The following C2orf78 variants were observed in gnomAD, a reference collection of about 807,000 sequenced individuals.
C2orf78 encodes the protein uncharacterized protein C2orf78.
In C2orf78, 12 loss-of-function variants were observed where a neutral mutation model predicts 21.4. That is an observed-to-expected ratio of 0.56 (90% CI 0.36 to 0.91). The LOEUF is 0.91. Ranked by LOEUF, C2orf78 falls within the 40% of genes least tolerant of loss-of-function variation. The pLI is 0.01. For synonymous variants in C2orf78, 396 were observed against 413.9 expected (o/e 0.96, Z 0.52); for missense variants, 1,042 against 1,092.4 (o/e 0.95, Z 0.65).
chr2:73,811,414 T>C (rs1673086296), intron 1 of C2orf78, among the ~76,000 whole-genome samples: 1 of 152,200 alleles, frequency 6.6e-6, no homozygotes, highest in East Asian at 1.9e-4. Flanking sequence ...TGGATGTTTC[T>C]CCTATTAACA....
Position 73,816,411 on chromosome 2 carries a change from C to T in C2orf78, c.2188C>T (p.Gln730Ter), listed in dbSNP as rs772282025. The T allele has an allele frequency of 6.2e-7, 1 of 1,613,958 alleles. No individual in the cohort carries two copies. Among genetic ancestry groups the T allele is most frequent in the Admixed American group, 1.7e-5 (1 of 60,016 alleles). Residue 730 changes from glutamine to a stop codon, truncating the protein, a stop_gained, in exon 3 of 3, where the codon CAA becomes TAA. Transcript: ENST00000409561. LOFTEE classifies it low-confidence loss of function (END_TRUNC). ...GCCCTTTCTGACCCTGGACCAACCT[C>T]AAGCTCGACATGTTTCTCGGCGGCC...
At chr2:73,809,169 T>C (rs1284667074) in intron 1 of C2orf78, among the ~76,000 whole-genome samples, 2 of 152,204 alleles carry the variant, frequency 1.3e-5, no homozygotes, top group Admixed American at 1.3e-4. Flanking sequence ...TTTCTAATAC[T>C]GAGTCTTAAA....
exon 3 of C2orf78, chr2:73,816,286 A>G: frequency 6.2e-7 from 1 of 1,613,882 alleles, no homozygotes; most frequent in Non-Finnish European, 8.5e-7. Flanking sequence ...GAGAAAATTC[A>G]AGTCAAGGCC....
chr2:73,807,639 G>A lies in C2orf78; in HGVS notation c.98-5838G>A, dbSNP rs1286711557. Reference sequence around the variant, plus strand: ...TACCTCTCTGCTGTTTGCTTCTCATGAGCAGAGTCCGTTTTCCAAACATCA... The same window carrying A: ...TACCTCTCTGCTGTTTGCTTCTCATAAGCAGAGTCCGTTTTCCAAACATCA... On this transcript the variant is annotated intron_variant, in intron 1 of 2. Transcript: ENST00000409561. Among the ~76,000 whole-genome samples the A allele has an allele frequency of 9.9e-5, 7 of 70,502 alleles. No individual in the cohort carries two copies. In the South Asian group the frequency reaches 3.5e-3, roughly 36 times the overall value. 46.3% of individuals were successfully genotyped at this position (70,502 alleles called of 152,430 possible). A position where few individuals can be genotyped will look rare whatever the true frequency, so the allele number is the denominator to read the frequency against.
At chr2:73,786,150 C>G (rs968353260) in intron 1 of C2orf78, among the ~76,000 whole-genome samples, 4 of 151,906 alleles carry the variant, frequency 2.6e-5, no homozygotes, top group Admixed American at 2.0e-4. Flanking sequence ...AAGGCTGACG[C>G]AGGCGGATTG....
intron 1 of C2orf78, among the ~76,000 whole-genome samples, chr2:73,808,433 T>C (rs1673004359): frequency 3.3e-5 from 5 of 151,092 alleles, no homozygotes; most frequent in Non-Finnish European, 7.3e-5. Context: ...ATGTAACACA[T>C]TAAATATAAA....
chr2:73,813,828 T>C (rs376343745), exon 2 of C2orf78: 9 of 1,613,894 alleles, frequency 5.6e-6, no homozygotes, highest in Admixed American at 5.0e-5. Flanking sequence ...GTGACTGTCA[T>C]TGATCAGAAC....
At chr2:73,811,612 C>T (rs1445977665) in intron 1 of C2orf78, among the ~76,000 whole-genome samples, 1 of 152,162 alleles carries the variant, frequency 6.6e-6, no homozygotes, top group Non-Finnish European at 1.5e-5. Flanking sequence ...AGCCACATAT[C>T]AGCCACATAT....
rs761635512 is a variant in C2orf78 at position 73,815,318 on chromosome 2, T to TA, written c.1099dup (p.Thr367AsnfsTer37). 47 of 1,613,918 alleles carry TA rather than the reference T, an allele frequency of 2.9e-5. No individual in the cohort carries two copies. Among genetic ancestry groups the TA allele is most frequent in the Non-Finnish European group, 3.9e-5 (46 of 1,179,872 alleles). Reference sequence around the variant, plus strand: ...ATGAGAATGAGAATTTGGATGAGATTAAAACCAACCTTTCAAAGCCTCTAG... The same window carrying TA: ...ATGAGAATGAGAATTTGGATGAGATTAAAAACCAACCTTTCAAAGCCTCTAG... On this transcript the variant is annotated frameshift_variant, in exon 3 of 3. Transcript: ENST00000409561. LOFTEE classifies it low-confidence loss of function (END_TRUNC).
chr2:73,815,048 C>A, intron 2 of C2orf78, 23 bp from the exon 3 acceptor site: 1 of 1,587,232 alleles, frequency 6.3e-7, no homozygotes, highest in Non-Finnish European at 8.6e-7. Context: ...CAGGGACTGA[C>A]TTCTTCCTTG....
At chr2:73,813,921 T>C (rs779155359) in exon 2 of C2orf78, 9 of 1,613,938 alleles carry the variant, frequency 5.6e-6, no homozygotes, top group African/African-American at 1.3e-5. Context: ...TATCCATCAC[T>C]ATCTGCCAGC....
chr2:73,813,850 T>C (rs745670636), exon 2 of C2orf78: 2 of 1,613,980 alleles, frequency 1.2e-6, no homozygotes, highest in Non-Finnish European at 1.7e-6. Flanking sequence ...CAGCTGTCTC[T>C]TCCATGTCTA....
rs1351232929 is a variant in C2orf78, at chr2:73,812,853, T to C, written c.98-624T>C. Among the ~76,000 whole-genome samples, 3 of 152,196 alleles carry C rather than the reference T, an allele frequency of 2.0e-5. No homozygotes were observed. The East Asian group carries it at 5.8e-4, about 29-fold the overall frequency. On this transcript the variant is annotated intron_variant, in intron 1 of 2. Transcript: ENST00000409561. The stretch of plus-strand genomic sequence containing the variant: ...AATGGCCTGGGTTAAATATAAACTC[T>C]AGGACATATCATATGACCTGCAGAA...
Position 73,784,217 on chromosome 2 carries a change from T to A in C2orf78, c.-93T>A, listed in dbSNP as rs893926252. 46 of 1,512,496 alleles carry A rather than the reference T, an allele frequency of 3.0e-5. No homozygotes were observed. The Middle Eastern group carries it at 7.0e-4, about 23-fold the overall frequency. The allele number at this position is 1,512,496 out of a possible 1,614,324, so 93.7% of individuals were successfully genotyped here. A position where few individuals can be genotyped will look rare whatever the true frequency, so the allele number is the denominator to read the frequency against. The stretch of plus-strand genomic sequence containing the variant: ...CCAAACCGACCACCACCTGGTAGCA[T>A]CTTGGGGTTTCCTGGGCGTGGCCTG... On this transcript the variant is annotated 5_prime_UTR_variant, in exon 1 of 3. Transcript: ENST00000409561.
chr2:73,814,251 G>A, intron 2 of C2orf78, 25 bp downstream of exon 2: 1 of 1,530,242 alleles, frequency 6.5e-7, no homozygotes, highest in Non-Finnish European at 8.8e-7. Context: ...CAAGAAAGGA[G>A]AGGAATAATG....
chr2:73,808,676 T>A (rs1435118443), intron 1 of C2orf78: 14 of 1,407,736 alleles, frequency 9.9e-6, no homozygotes, highest in Non-Finnish European at 1.1e-5. Context: ...CTTTGTGACA[T>A]CATTCTCCCA....
chr2:73,811,483 C>G (rs35570205), intron 1 of C2orf78, among the ~76,000 whole-genome samples: 1 of 152,058 alleles, frequency 6.6e-6, no homozygotes, highest in Non-Finnish European at 1.5e-5. Context: ...AGAACAATAC[C>G]TTTGCATGAA....
exon 3 of C2orf78, chr2:73,816,478 C>T (rs1355226943): frequency 6.2e-7 from 1 of 1,613,852 alleles, no homozygotes; most frequent in African/African-American, 1.3e-5. Context: ...GCTTACCCTG[C>T]TCGACCTGAT....
At chr2:73,809,343 T>C (rs1573197979) in intron 1 of C2orf78, among the ~76,000 whole-genome samples, 2 of 152,142 alleles carry the variant, frequency 1.3e-5, no homozygotes, top group African/African-American at 4.8e-5. Flanking sequence ...ATTTTAAATT[T>C]AGTGATGTTT....
Sources: gnomAD v4.1 joint callset for allele counts (sites outside exome capture counted in the v4.1 genomes callset) on GRCh38, gnomAD v4.1.1 for gene constraint, MANE v1.5 for transcripts, NCBI Gene and HGNC (gene_info 2026-07-23, HGNC 2026-07-21) for gene names.